POMGNT1: variants seen among roughly 807,000 people sequenced by gnomAD.
POMGNT1 encodes protein O-linked mannose N-acetylglucosaminyltransferase 1 (beta 1,2-).
A neutral mutation model predicts 95.6 loss-of-function variants in POMGNT1; 67 were observed. The observed-to-expected ratio is 0.70, with a 90% CI of 0.58 to 0.86. The LOEUF (loss-of-function observed/expected upper bound fraction) is 0.86. Ranked by LOEUF, POMGNT1 falls within the 40% of genes least tolerant of loss-of-function variation. The pLI is 0.00. For synonymous variants in POMGNT1, 298 were observed against 317.9 expected (o/e 0.94, Z 0.66); for missense variants, 719 against 855.2 (o/e 0.84, Z 1.99).
chr1:46,196,083 C>G lies in POMGNT1; in HGVS notation c.355-6G>C, dbSNP rs754657039. 1.2e-6 allele frequency: 2 copies of G among 1,613,974 alleles called. No homozygotes were observed. Among genetic ancestry groups the G allele is most frequent in the African/African-American group, 1.3e-5 (1 of 75,042 alleles). On this transcript the variant is annotated splice_polypyrimidine_tract_variant and splice_region_variant and intron_variant, in intron 4 of 21. Transcript: ENST00000371984. This position sits in a 1 kb window ranked among gnomAD's most constrained non-coding sequence, Gnocchi z 4.4. Reference sequence around the variant, plus strand: ...CGGGCCTCATCCTCCAGCACCTACACAGTGGCAGAGACAAAGTCCAGCTTT... The same window carrying G: ...CGGGCCTCATCCTCCAGCACCTACAGAGTGGCAGAGACAAAGTCCAGCTTT...
intron 13 of POMGNT1, 49 bp downstream of exon 13, chr1:46,193,124 GC>G: frequency 6.2e-7 from 1 of 1,612,586 alleles, no homozygotes; most frequent in Non-Finnish European, 8.5e-7. Context: ...CAGACCTTAT[GC>G]CCATGTTTCC....
chr1:46,204,381 A>AG (rs1242893537), intron 1 of POMGNT1, among the ~76,000 whole-genome samples: 2 of 152,180 alleles, frequency 1.3e-5, no homozygotes, highest in Admixed American at 1.3e-4. Context: ...AGGGCAGCCG[A>AG]GGCCCTGGCA....
chr1:46,195,530 G>A (rs1423007512), intron 6 of POMGNT1: 3 of 487,240 alleles, frequency 6.2e-6, no homozygotes, highest in East Asian at 8.1e-5. Flanking sequence ...TTACTTGGCT[G>A]TTTCTGTTGA....
upstream of POMGNT1, among the ~76,000 whole-genome samples, chr1:46,201,697 C>CAAAAAA (rs59930051): frequency 1.2e-4 from 10 of 85,948 alleles, no homozygotes; most frequent in Admixed American, 2.5e-4. Flanking sequence ...GACTCCATCT[C>CAAAAAA]AAAAAAAAAA....
intron 21 of POMGNT1, 31 bp from the exon 22 acceptor site, chr1:46,189,388 A>G: frequency 6.2e-7 from 1 of 1,614,088 alleles, no homozygotes; most frequent in Non-Finnish European, 8.5e-7. Context: ...TGTATAGAGA[A>G]GAAGCCATTA....
intron 1 of POMGNT1, among the ~76,000 whole-genome samples, chr1:46,215,361 C>T (rs1400874497): frequency 6.6e-6 from 1 of 151,908 alleles, no homozygotes; most frequent in Admixed American, 6.6e-5. Context: ...GGATAATCAT[C>T]AAAGAAATAA....
rs2148191353 is a variant in POMGNT1, at chr1:46,193,207, C to T, written c.1119G>A (p.Lys373=). Residue 373 remains lysine, a synonymous_variant, in exon 13 of 22, where the codon AAG becomes AAA. Coordinates refer to ENST00000371984, the MANE Select transcript of POMGNT1 (RefSeq NM_017739.4). ...IKNARVSQHY[K]ASLTATFNLF... The stretch of plus-strand genomic sequence containing the variant: ...GGTTGAAAGTGGCAGTGAGGCTGGC[C>T]TTGTAGTGCTGGGAGTGGGGTGGGA... 6.2e-7 allele frequency: 1 copy of T among 1,614,152 alleles called. No individual in the cohort carries two copies. The highest frequency in any genetic ancestry group is 8.5e-7 in the Non-Finnish European group (1 of 1,180,026).
intron 13 of POMGNT1, 66 bp from the exon 14 acceptor site, chr1:46,193,024 C>T (rs1553163312): frequency 1.9e-6 from 3 of 1,607,092 alleles, no homozygotes; most frequent in South Asian, 1.1e-5. Flanking sequence ...CCTTTGCCCC[C>T]AACCCTCTTC....
rs182261526 is a variant in POMGNT1 at position 46,190,427 on chromosome 1, T to C, written c.1649+46A>G. ...AATTATGGGGCCAAGATCCCCAGTA[T>C]TTGACTCTTTGCTCCCTGCTACACC... is the stretch of plus-strand genomic sequence containing the variant. On this transcript the variant is annotated intron_variant, in intron 19 of 21. Coordinates refer to ENST00000371984, the MANE Select transcript of POMGNT1 (RefSeq NM_017739.4). The C allele has an allele frequency of 2.3e-5, 36 of 1,534,060 alleles. No homozygotes were observed. In the East Asian group the frequency reaches 7.9e-4, roughly 34 times the overall value.
chr1:46,189,958 G>T lies in POMGNT1; in HGVS notation c.1681C>A (p.Pro561Thr). The T allele has an allele frequency of 6.2e-7, 1 of 1,614,108 alleles. No homozygotes were observed. Among genetic ancestry groups the T allele is most frequent in the Non-Finnish European group, 8.5e-7 (1 of 1,180,020 alleles). Reference sequence around the variant, plus strand: ...TCTGGCAGGAAAGAGTCTTCACAAGGGTTCTTGCTGTGGTCCAGAACCTCA... The same window carrying T: ...TCTGGCAGGAAAGAGTCTTCACAAGTGTTCTTGCTGTGGTCCAGAACCTCA... ...EAEVLDHSKN[P>T]CEDSFLPDTE... The change falls in exon 20 of 22, where the codon CCT becomes ACT. Residue 561 changes from proline to threonine, a missense_variant. Physicochemically the swap from Pro to Thr is conservative, Grantham distance 38. This residue lies in a region of POMGNT1 where 130 missense variants were observed against 149.2 expected (regional missense o/e 0.87). Transcript: ENST00000371984.
At chr1:46,190,823 T>C in intron 17 of POMGNT1, 39 bp from the exon 18 acceptor site, 1 of 1,557,380 alleles carries the variant, frequency 6.4e-7, no homozygotes, top group South Asian at 1.1e-5. Flanking sequence ...CACCTCACAT[T>C]GTCTGGCCCA....
rs1657635443 is a variant in POMGNT1, at chr1:46,190,046, C to T, written c.1650-57G>A. 6.2e-6 allele frequency: 10 copies of T among 1,601,296 alleles called. No homozygotes were observed. In the Admixed American group the frequency reaches 6.8e-5, roughly 11 times the overall value. ...ACAGGGCCCACTTCATGGGTGTGTC[C>T]CACAGGACCCTGTACTTGGTTGAAT... On this transcript the variant is annotated intron_variant, in intron 19 of 21. Transcript: ENST00000371984.
At chr1:46,197,507 G>A (rs1239209892) in intron 2 of POMGNT1, 195 bp downstream of exon 2, 1 of 1,497,530 alleles carries the variant, frequency 6.7e-7, no homozygotes, top group Non-Finnish European at 8.9e-7. Context: ...CTTAGAAGTT[G>A]TACTTGGGTT....
In POMGNT1 at chr1:46,193,172, A is replaced by G. The variant is rs1553163335; in HGVS notation, c.1152+2T>C. 6.2e-7 allele frequency: 1 copy of G among 1,614,010 alleles called. No individual in the cohort carries two copies. Among genetic ancestry groups the G allele is most frequent in the Non-Finnish European group, 8.5e-7 (1 of 1,180,038 alleles). ...CCCAAGAGTTGTATCCTTAGTACTCACCGGAAACAGGTTGAAAGTGGCAGT... is the reference window on the plus strand; with the variant it reads ...CCCAAGAGTTGTATCCTTAGTACTCGCCGGAAACAGGTTGAAAGTGGCAGT... On this transcript the variant is annotated splice_donor_variant, in intron 13 of 21. Transcript: ENST00000371984. LOFTEE classifies it high-confidence loss of function.
rs757749808 is a variant in POMGNT1 at position 46,189,329 on chromosome 1, T to A, written c.1924A>T (p.Ile642Phe). The change falls in exon 22 of 22, where the codon ATT (isoleucine) becomes TTT (phenylalanine). Residue 642 changes from isoleucine (I) to phenylalanine (F), a missense_variant. By Grantham distance (21) the Ile-to-Phe change is conservative (BLOSUM62 0). This residue lies in a region of POMGNT1 where 130 missense variants were observed against 149.2 expected (regional missense o/e 0.87). Coordinates refer to ENST00000371984, the MANE Select transcript of POMGNT1 (RefSeq NM_017739.4). ...SVKKPPSVTP[I>F]FLEPPPKEEG... ...TCCTTTGGGGGTGGCTCCAGGAAAA[T>A]TGGGGTGACTGAGGGTGGCTTCTTC... 35 of 1,613,538 alleles carry A rather than the reference T, an allele frequency of 2.2e-5. No individual in the cohort carries two copies. The highest frequency in any genetic ancestry group is 2.7e-5 in the Non-Finnish European group (32 of 1,179,972).
chr1:46,189,591 G>T, intron 20 of POMGNT1, 24 bp from the exon 21 acceptor site: 1 of 1,599,420 alleles, frequency 6.3e-7, no homozygotes, highest in Non-Finnish European at 8.5e-7. Flanking sequence ...GATGGAGACA[G>T]AGACATGGGT....
chr1:46,193,093 G>C (rs567158427), intron 13 of POMGNT1, 81 bp downstream of exon 13: 1,080 of 1,607,614 alleles, frequency 6.7e-4, no homozygotes, highest in Admixed American at 2.2e-3. Flanking sequence ...GTGAGGGGAA[G>C]AGCTTGCCAC....
At position 46,189,530 on chromosome 1, in the gene POMGNT1, T is replaced by C. The variant is rs1466597049; in HGVS notation, c.1823A>G (p.His608Arg). Residue 608 changes from histidine to arginine, a missense_variant, in exon 21 of 22, where the codon CAT (histidine) becomes CGT (arginine). By Grantham distance (29) the His-to-Arg change is conservative. Coordinates refer to ENST00000371984, the MANE Select transcript of POMGNT1 (RefSeq NM_017739.4). The stretch of plus-strand genomic sequence containing the variant: ...CCGAAACAATCTCCACAGGCCCCGA[T>C]GGTTGCCACGCACATCCAGGTCCCA... ...HIWDLDVRGN[H>R]RGLWRLFRKK... The C allele has an allele frequency of 1.2e-6, 2 of 1,613,246 alleles. No individual in the cohort carries two copies. Among genetic ancestry groups the C allele is most frequent in the Admixed American group, 1.7e-5 (1 of 59,900 alleles).
Position 46,196,005 on chromosome 1 carries a change from A to C in POMGNT1, c.420+7T>G. The C allele has an allele frequency of 6.2e-7, 1 of 1,613,950 alleles. No individual in the cohort carries two copies. Among genetic ancestry groups the C allele is most frequent in the Non-Finnish European group, 8.5e-7 (1 of 1,179,980 alleles). The stretch of plus-strand genomic sequence containing the variant: ...GCCCTCTGGGTCACCCACCCCTAGA[A>C]ACTCACCGTGGCCTGGTTGAGGACA... On this transcript the variant is annotated splice_region_variant and intron_variant, in intron 5 of 21. Coordinates refer to ENST00000371984, the MANE Select transcript of POMGNT1 (RefSeq NM_017739.4). The surrounding 1 kb of genome is among the most constrained non-coding windows in gnomAD (Gnocchi z 4.4).
Sources: gnomAD v4.1 joint callset for allele counts (sites outside exome capture counted in the v4.1 genomes callset) on GRCh38, gnomAD v4.1.1 for gene constraint, gnomAD v4.1.1 regional missense constraint, Gnocchi (gnomAD v3.1) non-coding constraint, MANE v1.5 for transcripts, NCBI Gene and HGNC (gene_info 2026-07-23, HGNC 2026-07-21) for gene names.